The following NYAP2 variants were observed in gnomAD, a reference collection of about 807,000 sequenced individuals.
NYAP2 encodes neuronal tyrosine-phosphorylated phosphoinositide-3-kinase adapter 2.
Under a neutral mutation model 50.4 loss-of-function variants are expected in NYAP2, and 23 were observed. That is an observed-to-expected ratio of 0.46 (90% CI 0.33 to 0.65). NYAP2 has a LOEUF of 0.65. Ranked by LOEUF, NYAP2 falls within the 30% of genes least tolerant of loss-of-function variation. The pLI is 0.02. For missense variants in NYAP2, 885 were observed against 861.0 expected, an observed-to-expected ratio of 1.03 and a Z score of -0.35; for synonymous variants, 394 against 365.2, an observed-to-expected ratio of 1.08 and a Z score of -0.90.
intron 4 of NYAP2, among the ~76,000 whole-genome samples, chr2:225,541,756 T>C (rs1212106126): frequency 6.6e-6 from 1 of 152,164 alleles, no homozygotes; most frequent in African/African-American, 2.4e-5. Flanking sequence ...TTGCTTGAGA[T>C]AGCTTTAGCT....
intron 4 of NYAP2, among the ~76,000 whole-genome samples, chr2:225,531,424 G>T (rs542154142): frequency 2.0e-5 from 3 of 152,254 alleles, no homozygotes; most frequent in Non-Finnish European, 4.4e-5. Context: ...TGTGTACAAT[G>T]CCATTATATC....
chr2:225,441,640 G>C (rs748856013), intron 3 of NYAP2, among the ~76,000 whole-genome samples: 1 of 152,110 alleles, frequency 6.6e-6, no homozygotes. Context: ...GTGTGCAGGG[G>C]AATCTGCCCC....
chr2:225,607,174 T>G (rs1178088236), intron 5 of NYAP2, among the ~76,000 whole-genome samples: 3 of 152,082 alleles, frequency 2.0e-5, no homozygotes, highest in Non-Finnish European at 4.4e-5. Context: ...TTTTTCCCCA[T>G]AGAATTTAAG....
chr2:225,590,258 C>T (rs1395095547), intron 5 of NYAP2, among the ~76,000 whole-genome samples: 1 of 152,188 alleles, frequency 6.6e-6, no homozygotes, highest in African/African-American at 2.4e-5. Context: ...AGGGTCCTTC[C>T]AGCAGCTCAG....
chr2:225,601,989 A>AT lies in NYAP2; in HGVS notation c.1618+18961dup, dbSNP rs552777996. On this transcript the variant is annotated intron_variant, in intron 5 of 6. Transcript: ENST00000636099. ...TCTTGTTGTCTGAGTTATTGCCATG[A>AT]TTTTTTTGTCTCATGACCAAGAAAA... Among the ~76,000 whole-genome samples, 7 of 152,260 alleles carry AT rather than the reference A, an allele frequency of 4.6e-5. No homozygotes were observed. In the South Asian group the frequency reaches 8.3e-4, roughly 18 times the overall value.
At chr2:225,605,338 T>C (rs1422723813) in intron 5 of NYAP2, among the ~76,000 whole-genome samples, 1 of 152,150 alleles carries the variant, frequency 6.6e-6, no homozygotes, top group Non-Finnish European at 1.5e-5. Flanking sequence ...GGAACTCTTA[T>C]CTTTTTTAAA....
At chr2:225,517,914 G>T (rs535567779) in intron 4 of NYAP2, among the ~76,000 whole-genome samples, 2 of 152,196 alleles carry the variant, frequency 1.3e-5, no homozygotes, top group African/African-American at 4.8e-5. Flanking sequence ...TTAAGGAATA[G>T]TGAACAGAGC....
chr2:225,514,438 T>A (rs552658036), intron 4 of NYAP2, among the ~76,000 whole-genome samples: 1 of 152,312 alleles, frequency 6.6e-6, no homozygotes, highest in Admixed American at 6.5e-5. Context: ...GGGTGGCATA[T>A]AAGCAACAGC....
chr2:225,399,215 C>A (rs1483686723), upstream of NYAP2, among the ~76,000 whole-genome samples: 1 of 151,934 alleles, frequency 6.6e-6, no homozygotes, highest in African/African-American at 2.4e-5. Flanking sequence ...AAGCTCATAT[C>A]CATCAGAAAC....
intron 3 of NYAP2, among the ~76,000 whole-genome samples, chr2:225,420,290 T>G (rs923629087): frequency 6.6e-6 from 1 of 152,202 alleles, no homozygotes; most frequent in Non-Finnish European, 1.5e-5. Flanking sequence ...GCTATATTTT[T>G]ACTCTATTAA....
chr2:225,488,693 G>A (rs1206532278), intron 3 of NYAP2, among the ~76,000 whole-genome samples: 1 of 152,128 alleles, frequency 6.6e-6, no homozygotes, highest in Non-Finnish European at 1.5e-5. Flanking sequence ...TTTTAGGCAT[G>A]AGCCACCACA....
the NYAP2 span, among the ~76,000 whole-genome samples, chr2:225,687,509 T>G: frequency 2.6e-5 from 4 of 152,202 alleles, no homozygotes; most frequent in Non-Finnish European, 5.9e-5. Context: ...CTTATTAACT[T>G]TAGGCCACCA....
At chr2:225,407,049 A>C (rs562234337) in intron 2 of NYAP2, among the ~76,000 whole-genome samples, 49 of 152,150 alleles carry the variant, frequency 3.2e-4, no homozygotes, top group Non-Finnish European at 1.9e-4. Flanking sequence ...GAATTCTTGT[A>C]ATAGTGACTT....
At chr2:225,533,503 A>G (rs749779503) in intron 4 of NYAP2, among the ~76,000 whole-genome samples, 5 of 152,118 alleles carry the variant, frequency 3.3e-5, no homozygotes, top group Admixed American at 6.5e-5. Context: ...CCTAAGCAAA[A>G]TGGAAAGACC....
At chr2:225,504,989 C>T (rs879743371) in intron 3 of NYAP2, among the ~76,000 whole-genome samples, 15 of 147,724 alleles carry the variant, frequency 1.0e-4, no homozygotes, top group East Asian at 2.0e-4. Context: ...GCCTGGGTGA[C>T]GGAGCAAGAC....
At chr2:225,692,928 T>C in the NYAP2 span, among the ~76,000 whole-genome samples, 1 of 152,006 alleles carries the variant, frequency 6.6e-6, no homozygotes, top group Non-Finnish European at 1.5e-5. Context: ...TACATATATA[T>C]TTCTAATTTT....
downstream of NYAP2, among the ~76,000 whole-genome samples, chr2:225,655,115 A>G (rs1693801878): frequency 6.6e-6 from 1 of 152,216 alleles, no homozygotes; most frequent in African/African-American, 2.4e-5. Context: ...TGCCTTTGAA[A>G]TCAGTTTTAG....
intron 3 of NYAP2, among the ~76,000 whole-genome samples, chr2:225,441,128 T>C (rs901355427): frequency 5.3e-5 from 8 of 152,210 alleles, no homozygotes; most frequent in African/African-American, 1.4e-4. Context: ...GAGAATACTG[T>C]GAACTAGGCT....
chr2:225,583,850 T>C (rs756083597), intron 5 of NYAP2, among the ~76,000 whole-genome samples: 34 of 152,074 alleles, frequency 2.2e-4, no homozygotes, highest in Admixed American at 5.2e-4. Context: ...ACCATCCTGG[T>C]TAACACTGTG....
Sources: allele counts gnomAD v4.1 joint callset (sites outside exome capture counted in the v4.1 genomes callset), GRCh38; gene constraint gnomAD v4.1.1; transcripts MANE v1.5; gene names NCBI Gene and HGNC (gene_info 2026-07-23, HGNC 2026-07-21).